The following SCN8A variants were observed in gnomAD, a reference collection of about 807,000 sequenced individuals.
SCN8A encodes the protein sodium channel protein type 8 subunit alpha.
A neutral mutation model predicts 184.1 loss-of-function variants in SCN8A; 30 were observed. The observed-to-expected ratio is 0.16, with a 90% CI of 0.12 to 0.22. The LOEUF (loss-of-function observed/expected upper bound fraction) is 0.22. Among genes scored for constraint, SCN8A ranks in the 10% least tolerant of loss-of-function variants. SCN8A has a pLI of 1.00. For synonymous variants in SCN8A, 852 were observed against 907.0 expected, an observed-to-expected ratio of 0.94 and a Z score of 1.09; for missense variants, 1,057 against 2,498.9, an observed-to-expected ratio of 0.42 and a Z score of 12.30.
At chr12:51,786,482 C>CA in intron 21 of SCN8A, 60 bp from the exon 22 acceptor site, 1 of 1,578,286 alleles carries the variant, frequency 6.3e-7, no homozygotes, top group Non-Finnish European at 8.7e-7. Flanking sequence ...TCCTGGAAAT[C>CA]AAAAAATGTG....
At chr12:51,712,045 T>C (rs1941886478) in intron 11 of SCN8A, among the ~76,000 whole-genome samples, 1 of 152,198 alleles carries the variant, frequency 6.6e-6, no homozygotes, top group Non-Finnish European at 1.5e-5. Context: ...GTTTCTGTAC[T>C]AAAATGTAGA....
chr12:51,771,151 A>G (rs555105342), intron 19 of SCN8A, among the ~76,000 whole-genome samples: 20 of 152,314 alleles, frequency 1.3e-4, no homozygotes, highest in African/African-American at 3.4e-4. Flanking sequence ...AGTGCTTATT[A>G]ATCAGTGAAA....
intron 1 of SCN8A, among the ~76,000 whole-genome samples, chr12:51,619,307 A>G (rs971622356): frequency 6.6e-5 from 10 of 152,190 alleles, no homozygotes; most frequent in Non-Finnish European, 1.0e-4. Flanking sequence ...TATTTCATTA[A>G]TGAATATTCA....
At chr12:51,803,292 C>T (rs973100400) in intron 26 of SCN8A, among the ~76,000 whole-genome samples, 2 of 151,952 alleles carry the variant, frequency 1.3e-5, no homozygotes, top group Non-Finnish European at 2.9e-5. Context: ...AGATGAAGGC[C>T]GGAAGACTCA....
chr12:51,713,570 C>T (rs973786482), intron 11 of SCN8A: 58 of 719,900 alleles, frequency 8.1e-5, no homozygotes, highest in Non-Finnish European at 1.3e-4. Context: ...CGGCTGGAGT[C>T]GGACTGGGGG....
intron 26 of SCN8A, among the ~76,000 whole-genome samples, chr12:51,799,012 C>T (rs1170012980): frequency 3.3e-5 from 5 of 152,230 alleles, no homozygotes; most frequent in Admixed American, 2.6e-4. Context: ...CTTCAGTGCT[C>T]TCCTTCAGGG....
chr12:51,707,515 C>T (rs1181475274), intron 11 of SCN8A, among the ~76,000 whole-genome samples: 7 of 152,084 alleles, frequency 4.6e-5, no homozygotes, highest in African/African-American at 1.2e-4. Flanking sequence ...CGCCTTTTTA[C>T]GTTTTTCTGC....
intron 13 of SCN8A, 96 bp from the exon 14 acceptor site, chr12:51,751,259 A>G (rs1942589418): frequency 2.4e-6 from 2 of 817,940 alleles, no homozygotes; most frequent in Admixed American, 2.2e-5. Context: ...CCTTGATTCC[A>G]TATTAATAAC....
At chr12:51,640,212 GTTT>G (rs57362371) in intron 1 of SCN8A, among the ~76,000 whole-genome samples, 4 of 34,772 alleles carry the variant, frequency 1.2e-4, no homozygotes, top group Non-Finnish European at 1.5e-4. Flanking sequence ...TGCCTGGCCT[GTTT>G]TTTTTTTTTT....
chr12:51,622,976 T>G (rs183023122), intron 1 of SCN8A, among the ~76,000 whole-genome samples: 1 of 152,336 alleles, frequency 6.6e-6, no homozygotes, highest in East Asian at 1.9e-4. Flanking sequence ...ATTTTCTTCC[T>G]GAAATTGTTC....
chr12:51,808,031 T>C lies in SCN8A; in HGVS notation c.*602T>C, dbSNP rs913476776. 2 of 167,168 alleles carry C rather than the reference T, an allele frequency of 1.2e-5. No homozygotes were observed. Among genetic ancestry groups the C allele is most frequent in the Admixed American group, 1.1e-4 (2 of 18,382 alleles). The allele number at this position is 167,168 out of a possible 1,614,324, so 10.4% of individuals were successfully genotyped here. ...TTTCTTCAGGCTGAGGAGGACTTGC[T>C]CAGGCCGATTCCAAACATTGTGCTC... On this transcript the variant is annotated 3_prime_UTR_variant, in exon 27 of 27. Transcript: ENST00000627620.
At chr12:51,797,245 A>G (rs182905003) in intron 26 of SCN8A, among the ~76,000 whole-genome samples, 24 of 152,334 alleles carry the variant, frequency 1.6e-4, no homozygotes, top group South Asian at 4.1e-4. Context: ...CCAGAAGCGC[A>G]CTAATCCTTA....
At chr12:51,640,494 A>G (rs1268383935) in intron 1 of SCN8A, among the ~76,000 whole-genome samples, 1 of 151,896 alleles carries the variant, frequency 6.6e-6, no homozygotes, top group African/African-American at 2.4e-5. Flanking sequence ...AATAAGAACA[A>G]CTGTCCCAAG....
intron 18 of SCN8A, 40 bp downstream of exon 18, chr12:51,770,025 T>C: frequency 1.5e-6 from 2 of 1,362,094 alleles, no homozygotes; most frequent in Non-Finnish European, 2.1e-6. Context: ...GGGACACTCG[T>C]GTTGCTCACA....
At chr12:51,754,208 A>G (rs2138843176) in intron 14 of SCN8A, among the ~76,000 whole-genome samples, 1 of 152,300 alleles carries the variant, frequency 6.6e-6, no homozygotes, top group South Asian at 2.1e-4. Context: ...GATAAATGTA[A>G]TGATTCTTTT....
chr12:51,777,786 T>C (rs1937753433), intron 20 of SCN8A, among the ~76,000 whole-genome samples: 1 of 152,226 alleles, frequency 6.6e-6, no homozygotes. Flanking sequence ...TCTTACCTTA[T>C]ATGGTGCCTA....
At chr12:51,741,710 TTTA>T (rs1329889662) in intron 12 of SCN8A, among the ~76,000 whole-genome samples, 2 of 152,148 alleles carry the variant, frequency 1.3e-5, no homozygotes, top group African/African-American at 4.8e-5. Flanking sequence ...TTATTTTATT[TTTA>T]TTTATTTATT....
chr12:51,605,711 G>A (rs1308264891), intron 1 of SCN8A, among the ~76,000 whole-genome samples: 2 of 152,148 alleles, frequency 1.3e-5, no homozygotes, highest in East Asian at 3.8e-4. Context: ...GTTCCCACCA[G>A]CAATGTAGAA....
intron 26 of SCN8A, among the ~76,000 whole-genome samples, chr12:51,796,199 A>C (rs909613961): frequency 1.3e-5 from 2 of 152,226 alleles, no homozygotes; most frequent in Non-Finnish European, 2.9e-5. Context: ...AATTCATATA[A>C]TCCTCTCAAC....
Sources: allele counts gnomAD v4.1 joint callset (sites outside exome capture counted in the v4.1 genomes callset), GRCh38; gene constraint gnomAD v4.1.1; transcripts MANE v1.5; gene names NCBI Gene and HGNC (gene_info 2026-07-23, HGNC 2026-07-21).